SETBP1: variants seen among roughly 807,000 people sequenced by gnomAD.
The protein encoded by SETBP1 is SET binding protein 1, also known as SET-binding protein.
SETBP1 carries 9 observed loss-of-function variants against 101.0 expected under a neutral mutation model. The observed-to-expected ratio is 0.09, with a 90% CI of 0.05 to 0.16. The LOEUF (loss-of-function observed/expected upper bound fraction) is 0.16, where lower values mean the gene tolerates loss of function less well. Ranked by LOEUF, SETBP1 falls within the 10% of genes least tolerant of loss-of-function variation. The pLI is 1.00. For synonymous variants in SETBP1, 818 were observed against 788.5 expected (o/e 1.04, Z -0.63); for missense variants, 1,858 against 2,033.8 (o/e 0.91, Z 1.66).
At chr18:45,054,034 A>G (rs1396493756) in intron 5 of SETBP1, among the ~76,000 whole-genome samples, 1 of 152,206 alleles carries the variant, frequency 6.6e-6, no homozygotes, top group African/African-American at 2.4e-5. Context: ...CCAGCCTTCC[A>G]TGTTGTCTCA....
intron 2 of SETBP1, among the ~76,000 whole-genome samples, chr18:44,751,883 G>A (rs1224277616): frequency 6.6e-6 from 1 of 152,152 alleles, no homozygotes; most frequent in Non-Finnish European, 1.5e-5. Flanking sequence ...CTTGGTGAGG[G>A]CTCTCTTCCT....
At chr18:44,776,047 T>C (rs1422873439) in intron 2 of SETBP1, among the ~76,000 whole-genome samples, 1 of 152,244 alleles carries the variant, frequency 6.6e-6, no homozygotes, top group Non-Finnish European at 1.5e-5. Context: ...TATTTCTCTC[T>C]CATCTCCTAT....
At chr18:44,703,491 A>AT (rs995997388) in intron 2 of SETBP1, among the ~76,000 whole-genome samples, 1 of 147,024 alleles carries the variant, frequency 6.8e-6, no homozygotes, top group Non-Finnish European at 1.5e-5. Context: ...GTTGTGGCTG[A>AT]TTTTGTTGCA....
chr18:44,862,555 C>T (rs1188991017), intron 2 of SETBP1, among the ~76,000 whole-genome samples: 2 of 152,138 alleles, frequency 1.3e-5, no homozygotes, highest in Non-Finnish European at 2.9e-5. Context: ...TGAACTAATG[C>T]CTTTTGAATT....
chr18:44,891,514 A>G (rs1425311057), intron 3 of SETBP1, among the ~76,000 whole-genome samples: 1 of 152,122 alleles, frequency 6.6e-6, no homozygotes, highest in Non-Finnish European at 1.5e-5. Context: ...GGCATGAGTG[A>G]AAGTCTTATA....
chr18:44,992,517 T>A (rs1272802990), intron 4 of SETBP1, among the ~76,000 whole-genome samples: 2 of 152,002 alleles, frequency 1.3e-5, no homozygotes, highest in African/African-American at 4.8e-5. Context: ...AAAAGTATTA[T>A]GGAAAGTATG....
chr18:44,984,713 T>C (rs986589822), intron 4 of SETBP1, among the ~76,000 whole-genome samples: 1 of 152,230 alleles, frequency 6.6e-6, no homozygotes, highest in Admixed American at 6.5e-5. Flanking sequence ...TTGCCTGACA[T>C]GTAAGAGGCA....
chr18:44,891,356 T>C (rs2069765146), intron 3 of SETBP1, among the ~76,000 whole-genome samples: 1 of 152,154 alleles, frequency 6.6e-6, no homozygotes, highest in African/African-American at 2.4e-5. Flanking sequence ...TATTTGATCA[T>C]CTAGGTTTGA....
chr18:44,983,952 C>G lies in SETBP1; in HGVS notation c.4000+30612C>G, dbSNP rs576413498. ...GGTGCAGTGGCTCATGCCTGTAATC[C>G]CAGCACTTTGGGAGGCTGAGGCAGG... On this transcript the variant is annotated intron_variant, in intron 4 of 5. Transcript: ENST00000649279. Among the ~76,000 whole-genome samples the G allele has an allele frequency of 2.6e-5, 4 of 152,286 alleles. No individual in the cohort carries two copies. The South Asian group carries it at 8.3e-4, about 32-fold the overall frequency.
At chr18:45,054,482 AGCTGACTATTTATAAGTG>A (rs1298415230) in intron 5 of SETBP1, among the ~76,000 whole-genome samples, 1 of 152,140 alleles carries the variant, frequency 6.6e-6, no homozygotes, top group Admixed American at 6.5e-5. Flanking sequence ...CACCGTGCCC[AGCTGACTATTTATAAGTG>A]GCTGACAAAT....
chr18:45,011,149 T>C (rs2072829802), intron 4 of SETBP1, among the ~76,000 whole-genome samples: 1 of 152,160 alleles, frequency 6.6e-6, no homozygotes, highest in Admixed American at 6.5e-5. Flanking sequence ...TCACAAATGA[T>C]GATTCTGATT....
At chr18:44,802,016 C>G (rs2071617820) in intron 2 of SETBP1, among the ~76,000 whole-genome samples, 1 of 152,150 alleles carries the variant, frequency 6.6e-6, no homozygotes, top group Admixed American at 6.6e-5. Flanking sequence ...TAGGTGAACT[C>G]TGGCTACAGT....
intron 2 of SETBP1, among the ~76,000 whole-genome samples, chr18:44,848,873 C>T (rs1461421680): frequency 6.6e-6 from 1 of 152,198 alleles, no homozygotes. Flanking sequence ...ACAGCTGGCT[C>T]TAGTCATATT....
chr18:44,890,535 G>A (rs1007808699), intron 3 of SETBP1, among the ~76,000 whole-genome samples: 2 of 151,986 alleles, frequency 1.3e-5, no homozygotes, highest in African/African-American at 4.8e-5. Flanking sequence ...TAGATCCTAT[G>A]GACACGATAT....
intron 3 of SETBP1, among the ~76,000 whole-genome samples, chr18:44,925,774 T>C (rs1022651171): frequency 6.6e-6 from 1 of 152,196 alleles, no homozygotes; most frequent in Non-Finnish European, 1.5e-5. Flanking sequence ...TTTATATAGT[T>C]TTTTTTGGTT....
chr18:44,813,734 A>C (rs2071912938), intron 2 of SETBP1, among the ~76,000 whole-genome samples: 3 of 152,240 alleles, frequency 2.0e-5, no homozygotes. Flanking sequence ...ACACATAGTA[A>C]TTCTGCAGAA....
intron 2 of SETBP1, among the ~76,000 whole-genome samples, chr18:44,786,798 C>A (rs923398157): frequency 6.6e-6 from 1 of 152,170 alleles, no homozygotes; most frequent in Non-Finnish European, 1.5e-5. Context: ...GAGAGCCACA[C>A]GGGACCTAAG....
chr18:44,840,660 G>A (rs575822516), intron 2 of SETBP1, among the ~76,000 whole-genome samples: 2 of 152,218 alleles, frequency 1.3e-5, no homozygotes, highest in South Asian at 4.1e-4. Flanking sequence ...AGGGAGATGG[G>A]AATGAAGAAA....
At chr18:44,758,073 A>G (rs187685224) in intron 2 of SETBP1, among the ~76,000 whole-genome samples, 29 of 152,242 alleles carry the variant, frequency 1.9e-4, no homozygotes, top group African/African-American at 6.3e-4. Flanking sequence ...GAACAGGGAA[A>G]TCCCAGCTTC....
Sources: gnomAD v4.1 joint callset for allele counts (sites outside exome capture counted in the v4.1 genomes callset) on GRCh38, gnomAD v4.1.1 for gene constraint, MANE v1.5 for transcripts, NCBI Gene and HGNC (gene_info 2026-07-23, HGNC 2026-07-21) for gene names.